GALNTL6: variants seen among roughly 807,000 people sequenced by gnomAD.
The protein encoded by GALNTL6 is polypeptide N-acetylgalactosaminyltransferase like 6.
Under a neutral mutation model 73.7 loss-of-function variants are expected in GALNTL6, and 46 were observed. The ratio of observed to expected loss-of-function variants is 0.62; its 90% CI spans 0.49 to 0.80. GALNTL6 has a LOEUF of 0.80. GALNTL6 is among the 30% of genes least tolerant of loss of function. The probability of loss-of-function intolerance (pLI) is 0.00; values close to 1 mark genes in which losing one functional copy is unlikely to be tolerated. For missense variants in GALNTL6, 604 were observed against 755.0 expected (o/e 0.80, Z 2.34); for synonymous variants, 259 against 263.7 (o/e 0.98, Z 0.17).
intron 7 of GALNTL6, among the ~76,000 whole-genome samples, chr4:172,852,041 C>G (rs1188741702): frequency 1.3e-5 from 2 of 152,096 alleles, no homozygotes; most frequent in African/African-American, 4.8e-5. Context: ...CTAGTCCTAG[C>G]CTTGGCAAGT....
chr4:172,289,798 A>G (rs1380024070), intron 3 of GALNTL6, among the ~76,000 whole-genome samples: 1 of 152,208 alleles, frequency 6.6e-6, no homozygotes, highest in Non-Finnish European at 1.5e-5. Flanking sequence ...GTAAGTGAGT[A>G]GTATATGGTT....
At chr4:172,470,000 T>A (rs934340942) in intron 5 of GALNTL6, among the ~76,000 whole-genome samples, 1 of 152,166 alleles carries the variant, frequency 6.6e-6, no homozygotes, top group Non-Finnish European at 1.5e-5. Flanking sequence ...AAATGATGTA[T>A]ATTTTTCAGA....
chr4:172,498,410 T>C (rs1734145612), intron 5 of GALNTL6, among the ~76,000 whole-genome samples: 1 of 152,188 alleles, frequency 6.6e-6, no homozygotes, highest in Non-Finnish European at 1.5e-5. Context: ...AATTTTATAC[T>C]AAAATAAATG....
chr4:172,791,835 T>C (rs985981716), intron 5 of GALNTL6, among the ~76,000 whole-genome samples: 7 of 152,196 alleles, frequency 4.6e-5, no homozygotes, highest in Non-Finnish European at 8.8e-5. Context: ...CTAAAAATTA[T>C]TTGAAACTCA....
At chr4:172,933,851 C>T (rs772855953) in intron 9 of GALNTL6, among the ~76,000 whole-genome samples, 2 of 152,188 alleles carry the variant, frequency 1.3e-5, no homozygotes, top group Non-Finnish European at 2.9e-5. Context: ...GGAGACTTGA[C>T]TCCAAAGGCT....
intron 5 of GALNTL6, among the ~76,000 whole-genome samples, chr4:172,407,410 G>T (rs918620741): frequency 1.3e-5 from 2 of 152,036 alleles, no homozygotes; most frequent in Admixed American, 1.3e-4. Flanking sequence ...AATTATTCAG[G>T]CATGTGGCAG....
chr4:172,394,428 C>CTTTTTTTT (rs201130774), intron 5 of GALNTL6, among the ~76,000 whole-genome samples: 1 of 120,142 alleles, frequency 8.3e-6, no homozygotes. Flanking sequence ...TCTTCTTCTT[C>CTTTTTTTT]TTTTTTTTTT....
At chr4:172,709,376 A>G (rs1206905899) in intron 5 of GALNTL6, among the ~76,000 whole-genome samples, 2 of 152,184 alleles carry the variant, frequency 1.3e-5, no homozygotes, top group Admixed American at 1.3e-4. Context: ...CAGTTGAAAA[A>G]GTTTATGGTG....
chr4:172,999,723 T>C (rs1400852818), intron 10 of GALNTL6, among the ~76,000 whole-genome samples: 1 of 150,890 alleles, frequency 6.6e-6, no homozygotes, highest in Non-Finnish European at 1.5e-5. Context: ...GAGCTGTAAT[T>C]TTTATTTAAA....
At chr4:172,812,780 T>A (rs572528628) in intron 6 of GALNTL6, among the ~76,000 whole-genome samples, 9 of 152,216 alleles carry the variant, frequency 5.9e-5, no homozygotes, top group Non-Finnish European at 1.3e-4. Flanking sequence ...TTCTCGTACA[T>A]AAATTGGGGA....
At chr4:172,223,696 A>G (rs1736761140) in intron 2 of GALNTL6, among the ~76,000 whole-genome samples, 1 of 152,136 alleles carries the variant, frequency 6.6e-6, no homozygotes, top group South Asian at 2.1e-4. Context: ...AGATTTAAAG[A>G]CAGACATACT....
chr4:172,953,145 A>G (rs1049275632), intron 10 of GALNTL6, among the ~76,000 whole-genome samples: 1 of 152,238 alleles, frequency 6.6e-6, no homozygotes, highest in Non-Finnish European at 1.5e-5. Context: ...GAACACTTCT[A>G]TTCAGTGGAA....
At chr4:172,831,378 C>T (rs751804581) in intron 7 of GALNTL6, among the ~76,000 whole-genome samples, 6 of 152,046 alleles carry the variant, frequency 3.9e-5, no homozygotes, top group South Asian at 2.1e-4. Context: ...CAGGATTCAC[C>T]GAGTGTACTG....
rs1700904931 is a variant in GALNTL6, at chr4:172,897,124, G to A, written c.1041+14217G>A. Among the ~76,000 whole-genome samples the A allele has an allele frequency of 2.0e-5, 3 of 152,352 alleles. No individual in the cohort carries two copies. The South Asian group carries it at 6.2e-4, about 32-fold the overall frequency. On this transcript the variant is annotated intron_variant, in intron 8 of 12. Coordinates refer to ENST00000506823, the MANE Select transcript of GALNTL6 (RefSeq NM_001034845.3). ...ACAGGATAGTTCCCCAACTACAGTGGGAGGGGTGAAAGCTGAGACTGAGCC... is the reference window on the plus strand; with the variant it reads ...ACAGGATAGTTCCCCAACTACAGTGAGAGGGGTGAAAGCTGAGACTGAGCC...
Position 172,866,813 on chromosome 4 carries a change from C to T in GALNTL6, c.924-15977C>T, listed in dbSNP as rs145656921. Among the ~76,000 whole-genome samples, 712 of 152,284 alleles carry T rather than the reference C, an allele frequency of 4.7e-3. 7 individuals carry two copies. The highest frequency in any genetic ancestry group is 0.014 in the African/African-American group (601 of 41,562). ...CCTAACAAGCACATTTTTCTCTAGA[C>T]CATTTTCCCTGACCCACATTCCTGT... On this transcript the variant is annotated intron_variant, in intron 7 of 12. Coordinates refer to ENST00000506823, the MANE Select transcript of GALNTL6 (RefSeq NM_001034845.3).
intron 11 of GALNTL6, among the ~76,000 whole-genome samples, chr4:173,020,520 T>A (rs1752949954): frequency 6.6e-6 from 1 of 152,226 alleles, no homozygotes; most frequent in Non-Finnish European, 1.5e-5. Context: ...GTGCATGAGC[T>A]GCATTTCTTA....
At chr4:172,220,449 T>A (rs1736636586) in intron 2 of GALNTL6, among the ~76,000 whole-genome samples, 1 of 151,758 alleles carries the variant, frequency 6.6e-6, no homozygotes, top group Admixed American at 6.6e-5. Flanking sequence ...ACATCAGCAC[T>A]AAAATACTGG....
At chr4:172,766,999 C>T (rs1738443682) in intron 5 of GALNTL6, among the ~76,000 whole-genome samples, 1 of 152,160 alleles carries the variant, frequency 6.6e-6, no homozygotes, top group Non-Finnish European at 1.5e-5. Flanking sequence ...ACTGATGAGG[C>T]TATGAGAACC....
rs571620412 is a variant in GALNTL6 at position 172,211,796 on chromosome 4, C to G, written c.139-17860C>G. Among the ~76,000 whole-genome samples the G allele has an allele frequency of 2.0e-5, 3 of 152,278 alleles. No individual in the cohort carries two copies. The East Asian group carries it at 5.8e-4, about 29-fold the overall frequency. Reference sequence around the variant, plus strand: ...GCATTCCTCATAGACAGTGTCTTCTCTAGTCCTCACGTAGCAGAAAGGGCA... The same window carrying G: ...GCATTCCTCATAGACAGTGTCTTCTGTAGTCCTCACGTAGCAGAAAGGGCA... On this transcript the variant is annotated intron_variant, in intron 2 of 12. Transcript: ENST00000506823.
Sources: allele counts gnomAD v4.1 joint callset (sites outside exome capture counted in the v4.1 genomes callset), GRCh38; gene constraint gnomAD v4.1.1; transcripts MANE v1.5; gene names NCBI Gene and HGNC (gene_info 2026-07-23, HGNC 2026-07-21).